Variants in KDM2A observed in about 807,000 individuals in gnomAD.
KDM2A encodes the protein lysine demethylase 2A, also known as lysine-specific demethylase 2A.
In KDM2A, 3 loss-of-function variants were observed where a neutral mutation model predicts 137.3. The observed-to-expected ratio is 0.02, with a 90% CI of 0.01 to 0.06. The LOEUF is 0.06. KDM2A is among the 10% of genes least tolerant of loss of function. KDM2A has a pLI of 1.00. For missense variants in KDM2A, 738 were observed against 1,510.6 expected (o/e 0.49, Z 8.48); for synonymous variants, 512 against 541.5 (o/e 0.95, Z 0.76).
intron 6 of KDM2A, among the ~76,000 whole-genome samples, chr11:67,214,858 A>C (rs556885095): frequency 5.2e-4 from 79 of 152,322 alleles, no homozygotes; most frequent in African/African-American, 1.8e-3. Context: ...CTAAGCTGGT[A>C]GTTTCTATAG....
chr11:67,168,594 C>T (rs1434171811), intron 2 of KDM2A, among the ~76,000 whole-genome samples: 3,245 of 47,922 alleles, frequency 0.068, 1,011 homozygotes, highest in African/African-American at 0.088. Context: ...CACACACACA[C>T]ACACACACAC....
At chr11:67,162,230 G>A (rs900041525) in intron 2 of KDM2A, among the ~76,000 whole-genome samples, 9 of 152,040 alleles carry the variant, frequency 5.9e-5, no homozygotes, top group African/African-American at 1.9e-4. Context: ...TTTCACCAGA[G>A]TTTCTCTTCT....
chr11:67,189,040 G>A (rs1857279066), intron 5 of KDM2A, among the ~76,000 whole-genome samples: 1 of 151,948 alleles, frequency 6.6e-6, no homozygotes, highest in South Asian at 2.1e-4. Flanking sequence ...AGGAAATAGT[G>A]GACTTAACAC....
intron 5 of KDM2A, among the ~76,000 whole-genome samples, chr11:67,202,147 C>G (rs1035040337): frequency 2.0e-5 from 3 of 152,076 alleles, no homozygotes; most frequent in East Asian, 1.9e-4. Flanking sequence ...GAAATGGAGT[C>G]GAAGATGCGA....
chr11:67,171,519 T>C (rs1051255159), intron 2 of KDM2A, among the ~76,000 whole-genome samples: 2 of 152,236 alleles, frequency 1.3e-5, no homozygotes, highest in African/African-American at 4.8e-5. Context: ...AAACTGCCTA[T>C]AGTTGCACAG....
At chr11:67,125,813 G>T (rs1411253469) in intron 2 of KDM2A, among the ~76,000 whole-genome samples, 1 of 151,466 alleles carries the variant, frequency 6.6e-6, no homozygotes, top group Admixed American at 6.6e-5. Flanking sequence ...GCGTGGTGTA[G>T]GGCGCCTGTA....
chr11:67,149,816 G>C (rs1047951541), intron 2 of KDM2A, among the ~76,000 whole-genome samples: 6 of 151,592 alleles, frequency 4.0e-5, no homozygotes, highest in Non-Finnish European at 7.4e-5. Flanking sequence ...GGCCTCCCAG[G>C]TTCAAGTGAT....
intron 6 of KDM2A, 55 bp downstream of exon 6, chr11:67,207,743 G>T: frequency 7.2e-7 from 1 of 1,391,666 alleles, no homozygotes; most frequent in East Asian, 2.6e-5. Flanking sequence ...GTTGTTTTCG[G>T]CTGGACGTTG....
intron 5 of KDM2A, among the ~76,000 whole-genome samples, chr11:67,204,786 C>T (rs1384426365): frequency 6.6e-6 from 1 of 152,140 alleles, no homozygotes; most frequent in Non-Finnish European, 1.5e-5. Flanking sequence ...CCACCAAACC[C>T]AGCTGATACA....
At chr11:67,137,250 C>G (rs1047617796) in intron 2 of KDM2A, among the ~76,000 whole-genome samples, 2 of 152,136 alleles carry the variant, frequency 1.3e-5, no homozygotes, top group Non-Finnish European at 2.9e-5. Context: ...CAGGTCAGAT[C>G]AAATAGGGCA....
At chr11:67,128,801 G>A (rs998423042) in intron 2 of KDM2A, among the ~76,000 whole-genome samples, 1 of 152,214 alleles carries the variant, frequency 6.6e-6, no homozygotes, top group Non-Finnish European at 1.5e-5. Context: ...CTGTGTGCTA[G>A]ATGCTTCAAA....
chr11:67,219,533 T>A (rs1157372867), intron 10 of KDM2A, 130 bp downstream of exon 10: 1 of 457,684 alleles, frequency 2.2e-6, no homozygotes, highest in African/African-American at 2.0e-5. Flanking sequence ...GTTGACATTT[T>A]GGGAACACAC....
chr11:67,224,954 G>A (rs1428594771), intron 10 of KDM2A, among the ~76,000 whole-genome samples: 1 of 142,172 alleles, frequency 7.0e-6, no homozygotes, highest in Non-Finnish European at 1.5e-5. Context: ...CAATTCTCCT[G>A]CCCAGGCATC....
chr11:67,212,593 G>T (rs1858027112), intron 6 of KDM2A, among the ~76,000 whole-genome samples: 1 of 152,024 alleles, frequency 6.6e-6, no homozygotes, highest in African/African-American at 2.4e-5. Context: ...ATTATAACTG[G>T]GATCAGAGTA....
intron 2 of KDM2A, among the ~76,000 whole-genome samples, chr11:67,155,779 G>T (rs1431582621): frequency 6.6e-6 from 1 of 151,088 alleles, no homozygotes; most frequent in Admixed American, 6.6e-5. Flanking sequence ...ACCATACCCA[G>T]CTAATTTTGT....
At chr11:67,129,227 C>G (rs1164866921) in intron 2 of KDM2A, among the ~76,000 whole-genome samples, 2 of 152,218 alleles carry the variant, frequency 1.3e-5, no homozygotes, top group Non-Finnish European at 2.9e-5. Flanking sequence ...ACATGTCAGA[C>G]TACCACATTG....
At chr11:67,200,060 CTG>C (rs1857579331) in intron 5 of KDM2A, among the ~76,000 whole-genome samples, 2 of 152,190 alleles carry the variant, frequency 1.3e-5, no homozygotes, top group Non-Finnish European at 2.9e-5. Context: ...GATATCACAT[CTG>C]TTTTACAGCA....
intron 10 of KDM2A, among the ~76,000 whole-genome samples, chr11:67,224,018 A>G (rs1217238030): frequency 2.6e-5 from 4 of 152,168 alleles, no homozygotes; most frequent in African/African-American, 9.7e-5. Flanking sequence ...TCTGGCTACT[A>G]TGCATTAGAA....
At chr11:67,123,012 C>T (rs1052829963) in intron 2 of KDM2A, among the ~76,000 whole-genome samples, 2 of 151,812 alleles carry the variant, frequency 1.3e-5, no homozygotes, top group East Asian at 1.9e-4. Context: ...CTTGCTCTGC[C>T]CAGGGTGACG....
Sources: gnomAD v4.1 joint callset for allele counts (sites outside exome capture counted in the v4.1 genomes callset) on GRCh38, gnomAD v4.1.1 for gene constraint, MANE v1.5 for transcripts, NCBI Gene and HGNC (gene_info 2026-07-23, HGNC 2026-07-21) for gene names.